Variants in DAB1 observed in about 807,000 individuals in gnomAD.
The protein encoded by DAB1 is DAB adaptor protein 1.
Under a neutral mutation model 64.6 loss-of-function variants are expected in DAB1, and 15 were observed. That is an observed-to-expected ratio of 0.23 (90% CI 0.16 to 0.36). The LOEUF (loss-of-function observed/expected upper bound fraction) is 0.36. Ranked by LOEUF, DAB1 falls within the 10% of genes least tolerant of loss-of-function variation. The pLI, the probability that DAB1 is intolerant of heterozygous loss-of-function variation, is 1.00. For synonymous variants in DAB1, 235 were observed against 251.9 expected (o/e 0.93, Z 0.64); for missense variants, 596 against 706.7 (o/e 0.84, Z 1.78).
At chr1:57,024,160 A>G (rs1026881774) in intron 10 of DAB1, among the ~76,000 whole-genome samples, 7 of 152,108 alleles carry the variant, frequency 4.6e-5, no homozygotes, top group African/African-American at 1.7e-4. Flanking sequence ...AGACCCTTGT[A>G]TCCTGGTGCC....
At chr1:57,320,044 G>A (rs1675569353) in intron 1 of DAB1, among the ~76,000 whole-genome samples, 3 of 152,098 alleles carry the variant, frequency 2.0e-5, no homozygotes. Flanking sequence ...ACTCCCTCTG[G>A]GTTTCTGTTA....
intron 5 of DAB1, among the ~76,000 whole-genome samples, chr1:58,134,226 G>T (rs921905434): frequency 2.0e-5 from 3 of 152,180 alleles, no homozygotes; most frequent in African/African-American, 7.2e-5. Flanking sequence ...TCTGGTGAAG[G>T]CTTGCTGTCT....
intron 3 of DAB1, among the ~76,000 whole-genome samples, chr1:58,415,897 C>T (rs1644715068): frequency 2.0e-5 from 3 of 152,162 alleles, no homozygotes; most frequent in Admixed American, 2.0e-4. Context: ...ATTTCTTAAT[C>T]CATTAAATAG....
At chr1:58,336,132 C>A (rs994373103) in intron 4 of DAB1, among the ~76,000 whole-genome samples, 2 of 152,154 alleles carry the variant, frequency 1.3e-5, no homozygotes, top group African/African-American at 4.8e-5. Flanking sequence ...CGGGATCAGG[C>A]ATGTAGTCAA....
chr1:57,582,356 G>T (rs1462620262), intron 7 of DAB1, among the ~76,000 whole-genome samples: 1 of 152,176 alleles, frequency 6.6e-6, no homozygotes, highest in African/African-American at 2.4e-5. Flanking sequence ...ACCAGGTCTT[G>T]TGAGAACTCA....
chr1:57,629,485 C>G (rs144699856), intron 7 of DAB1, among the ~76,000 whole-genome samples: 1 of 152,162 alleles, frequency 6.6e-6, no homozygotes, highest in Non-Finnish European at 1.5e-5. Flanking sequence ...GGAGCTAACA[C>G]GACCTAAATA....
At chr1:57,528,176 CCT>C (rs2101405732) in intron 7 of DAB1, among the ~76,000 whole-genome samples, 1 of 152,056 alleles carries the variant, frequency 6.6e-6, no homozygotes, top group Non-Finnish European at 1.5e-5. Context: ...AGATTTGAAA[CCT>C]GTAACAAGGA....
intron 2 of DAB1, among the ~76,000 whole-genome samples, chr1:57,235,665 A>ATCTCTGTC (rs1207869904): frequency 6.6e-6 from 1 of 151,526 alleles, no homozygotes. Flanking sequence ...TTGAATCTAA[A>ATCTCTGTC]TCTGTCTCTG....
chr1:57,947,395 G>T (rs985413599), intron 5 of DAB1, among the ~76,000 whole-genome samples: 1 of 152,012 alleles, frequency 6.6e-6, no homozygotes, highest in African/African-American at 2.4e-5. Context: ...TGTACTTCAG[G>T]GTGTCTCAAC....
At chr1:57,418,201 G>A (rs1684636317) in intron 1 of DAB1, among the ~76,000 whole-genome samples, 1 of 152,172 alleles carries the variant, frequency 6.6e-6, no homozygotes, top group Non-Finnish European at 1.5e-5. Flanking sequence ...ATGTTTATGT[G>A]CATGACCAGA....
chr1:58,465,298 G>A (rs1645283711), intron 3 of DAB1, among the ~76,000 whole-genome samples: 2 of 152,130 alleles, frequency 1.3e-5, no homozygotes, highest in African/African-American at 2.4e-5. Flanking sequence ...TCAGGCAAAC[G>A]CCCTGCATGA....
At chr1:57,887,717 T>C (rs879408671), upstream of DAB1, among the ~76,000 whole-genome samples, 7 of 152,308 alleles carry the variant, frequency 4.6e-5, no homozygotes, top group East Asian at 7.7e-4. Context: ...GGAGAGAAGA[T>C]AATAATTAAC....
rs183614398 is a variant in DAB1, at chr1:57,368,581, G to A, written c.-137+55349C>T. On this transcript the variant is annotated intron_variant, in intron 1 of 14. Coordinates refer to ENST00000371236, the MANE Select transcript of DAB1 (RefSeq NM_001365792.1). The stretch of plus-strand genomic sequence containing the variant: ...CGGAGTGCTCCAGAGATGATGGGAC[G>A]ACCTGCCTGCAGAGAGAAGGGCCTC... Among the ~76,000 whole-genome samples, 251 of 152,162 alleles carry A rather than the reference G, an allele frequency of 1.6e-3. 1 individual carries two copies. Among genetic ancestry groups the A allele is most frequent in the African/African-American group, 5.5e-3 (228 of 41,522 alleles).
At chr1:57,556,139 T>C (rs1570623216) in intron 7 of DAB1, among the ~76,000 whole-genome samples, 1 of 152,230 alleles carries the variant, frequency 6.6e-6, no homozygotes, top group Non-Finnish European at 1.5e-5. Context: ...TAGCATTCTA[T>C]GGTATATACA....
chr1:57,555,391 G>GTT (rs11303581), intron 7 of DAB1, among the ~76,000 whole-genome samples: 121 of 128,808 alleles, frequency 9.4e-4, no homozygotes, highest in South Asian at 1.2e-3. Context: ...CTGTCTCTGG[G>GTT]TTTTTTTTTT....
At chr1:58,303,239 C>T (rs1662216222) in intron 4 of DAB1, among the ~76,000 whole-genome samples, 1 of 152,120 alleles carries the variant, frequency 6.6e-6, no homozygotes, top group Non-Finnish European at 1.5e-5. Context: ...TCTGGGAGCA[C>T]CATCTCCTCC....
chr1:58,309,014 T>G (rs1191736867), intron 4 of DAB1, among the ~76,000 whole-genome samples: 2 of 152,110 alleles, frequency 1.3e-5, no homozygotes, highest in East Asian at 3.9e-4. Flanking sequence ...AATGAATAAT[T>G]ATGCAATATG....
intron 4 of DAB1, among the ~76,000 whole-genome samples, chr1:58,210,937 T>C (rs547486191): frequency 6.6e-6 from 1 of 152,232 alleles, no homozygotes; most frequent in Non-Finnish European, 1.5e-5. Flanking sequence ...AGGAGAGTTA[T>C]GAAAAATAAG....
At chr1:57,214,025 T>C (rs11588481) in intron 2 of DAB1, among the ~76,000 whole-genome samples, 3 of 152,206 alleles carry the variant, frequency 2.0e-5, no homozygotes, top group Non-Finnish European at 2.9e-5. Flanking sequence ...TTAAGTATAA[T>C]GCAGTCACTG....
Sources: allele counts gnomAD v4.1 joint callset (sites outside exome capture counted in the v4.1 genomes callset), GRCh38; gene constraint gnomAD v4.1.1; transcripts MANE v1.5; gene names NCBI Gene and HGNC (gene_info 2026-07-23, HGNC 2026-07-21).